CCDC85A: variants seen among roughly 807,000 people sequenced by gnomAD.
The protein encoded by CCDC85A is coiled-coil domain containing 85A.
In CCDC85A, 38 loss-of-function variants were observed where a neutral mutation model predicts 50.2. That is an observed-to-expected ratio of 0.76 (90% CI 0.58 to 0.99). The LOEUF is 0.99. CCDC85A is among the 50% of genes least tolerant of loss of function. The probability of loss-of-function intolerance (pLI) is 0.00; values close to 1 mark genes in which losing one functional copy is unlikely to be tolerated. For synonymous variants in CCDC85A, 366 were observed against 301.4 expected (o/e 1.21, Z -2.22); for missense variants, 820 against 742.0 (o/e 1.11, Z -1.22).
At position 56,231,684 on chromosome 2, in the gene CCDC85A, C is replaced by G. The variant is rs533189938; in HGVS notation, c.1240+38244C>G. Reference sequence around the variant, plus strand: ...AGAGAGTTCATGGCTTTAGACGGGTCTCTCTATAATGTTATCAACCCTAAT... The same window carrying G: ...AGAGAGTTCATGGCTTTAGACGGGTGTCTCTATAATGTTATCAACCCTAAT... On this transcript the variant is annotated intron_variant, in intron 2 of 5. Coordinates refer to ENST00000407595, the MANE Select transcript of CCDC85A (RefSeq NM_001080433.2). 5.3e-5 allele frequency among the ~76,000 whole-genome samples: 8 copies of G among 152,028 alleles called. No individual in the cohort carries two copies. The South Asian group carries it at 1.5e-3, about 28-fold the overall frequency.
chr2:56,304,948 A>C (rs6758351), intron 2 of CCDC85A, among the ~76,000 whole-genome samples: 1,806 of 144,544 alleles, frequency 0.012, 31 homozygotes, highest in Middle Eastern at 0.051. Flanking sequence ...AAAAACAAAA[A>C]AAAAAAAACC....
Position 56,339,416 on chromosome 2 carries a change from C to A in CCDC85A, c.1241-3463C>A, listed in dbSNP as rs112553363. ...ATTTACCCCTTTTTTCCTGAACTGA[C>A]ATAATACTTTCATAATATAAATAGA... On this transcript the variant is annotated intron_variant, in intron 2 of 5. Transcript: ENST00000407595. 4.1e-3 allele frequency among the ~76,000 whole-genome samples: 619 copies of A among 152,208 alleles called. 5 individuals are homozygous for A. The highest frequency in any genetic ancestry group is 0.014 in the African/African-American group (575 of 41,534).
At chr2:56,349,637 C>T (rs999047486) in intron 3 of CCDC85A, among the ~76,000 whole-genome samples, 7 of 152,082 alleles carry the variant, frequency 4.6e-5, no homozygotes, top group East Asian at 1.9e-4. Flanking sequence ...GATAAATCTT[C>T]GTTCTAATGA....
chr2:56,335,494 A>G (rs1445146975), intron 2 of CCDC85A, among the ~76,000 whole-genome samples: 1 of 152,190 alleles, frequency 6.6e-6, no homozygotes, highest in Admixed American at 6.5e-5. Context: ...ATTAGCTCAC[A>G]GTTCTAGAGA....
intron 2 of CCDC85A, among the ~76,000 whole-genome samples, chr2:56,334,647 T>A (rs922429232): frequency 6.6e-6 from 1 of 152,220 alleles, no homozygotes; most frequent in Admixed American, 6.5e-5. Context: ...TTGAGCTTTC[T>A]CTGAATACCT....
At chr2:56,259,852 C>T (rs910846614) in intron 2 of CCDC85A, among the ~76,000 whole-genome samples, 3 of 152,172 alleles carry the variant, frequency 2.0e-5, no homozygotes, top group African/African-American at 7.2e-5. Context: ...TTTCTCCTTG[C>T]CTTTCTGGAC....
At chr2:56,361,172 C>T (rs552696484) in intron 3 of CCDC85A, among the ~76,000 whole-genome samples, 11 of 151,866 alleles carry the variant, frequency 7.2e-5, no homozygotes, top group East Asian at 1.9e-4. Context: ...GAGAATGGCG[C>T]GAACCCAGGA....
chr2:56,205,646 T>C (rs1667591412), intron 2 of CCDC85A, among the ~76,000 whole-genome samples: 1 of 152,156 alleles, frequency 6.6e-6, no homozygotes, highest in Non-Finnish European at 1.5e-5. Flanking sequence ...TGAGTAGTAG[T>C]AGGAAACCAA....
intron 2 of CCDC85A, among the ~76,000 whole-genome samples, chr2:56,269,214 T>G (rs1670590202): frequency 6.6e-6 from 1 of 152,164 alleles, no homozygotes; most frequent in Admixed American, 6.5e-5. Flanking sequence ...TAGCAATAAC[T>G]TACCTTACCT....
At chr2:56,217,729 T>A (rs1447328331) in intron 2 of CCDC85A, among the ~76,000 whole-genome samples, 1 of 151,884 alleles carries the variant, frequency 6.6e-6, no homozygotes, top group Non-Finnish European at 1.5e-5. Context: ...ATGTTGATTT[T>A]CCTTCTAAAA....
At chr2:56,293,176 A>G (rs1043695429) in intron 2 of CCDC85A, among the ~76,000 whole-genome samples, 4 of 152,198 alleles carry the variant, frequency 2.6e-5, no homozygotes, top group African/African-American at 2.4e-5. Flanking sequence ...TACCAGATGT[A>G]CTTGTTACAA....
At chr2:56,326,854 AT>A (rs1673498667) in intron 2 of CCDC85A, among the ~76,000 whole-genome samples, 1 of 151,580 alleles carries the variant, frequency 6.6e-6, no homozygotes, top group Non-Finnish European at 1.5e-5. Context: ...TTTTTTCTTA[AT>A]CAGGTAATTT....
intron 2 of CCDC85A, among the ~76,000 whole-genome samples, chr2:56,216,358 C>G (rs1677393307): frequency 6.6e-6 from 1 of 151,502 alleles, no homozygotes; most frequent in African/African-American, 2.4e-5. Context: ...CCTTATTGTT[C>G]TATGTCCTTA....
At chr2:56,264,476 C>A (rs1199903930) in intron 2 of CCDC85A, among the ~76,000 whole-genome samples, 1 of 152,146 alleles carries the variant, frequency 6.6e-6, no homozygotes, top group East Asian at 1.9e-4. Context: ...ACCTGCAAAT[C>A]CTTTCAGCTC....
At chr2:56,375,791 A>G (rs750637116) in intron 4 of CCDC85A, 25 bp from the exon 5 acceptor site, 5 of 1,611,006 alleles carry the variant, frequency 3.1e-6, no homozygotes, top group South Asian at 1.1e-5. Context: ...TGTTTTAATA[A>G]CAAAGTTGTT....
intron 2 of CCDC85A, among the ~76,000 whole-genome samples, chr2:56,280,241 G>T (rs1165870700): frequency 1.3e-5 from 2 of 152,092 alleles, no homozygotes; most frequent in African/African-American, 2.4e-5. Context: ...CTGGGCAAAG[G>T]CCCTTCCTTC....
At chr2:56,287,838 A>C (rs572149213) in intron 2 of CCDC85A, among the ~76,000 whole-genome samples, 33 of 152,288 alleles carry the variant, frequency 2.2e-4, no homozygotes, top group African/African-American at 7.9e-4. Flanking sequence ...TGTGCATATA[A>C]ATGTGGACTA....
intron 2 of CCDC85A, among the ~76,000 whole-genome samples, chr2:56,225,008 A>G (rs1321922044): frequency 2.6e-5 from 4 of 152,290 alleles, no homozygotes; most frequent in Non-Finnish European, 5.9e-5. Flanking sequence ...ACCTAAGTTT[A>G]TGAAGATATA....
At chr2:56,227,012 TTCAA>T (rs1668571688) in intron 2 of CCDC85A, among the ~76,000 whole-genome samples, 1 of 152,218 alleles carries the variant, frequency 6.6e-6, no homozygotes, top group African/African-American at 2.4e-5. Context: ...ATGAAAACCA[TTCAA>T]TAACTAAAAA....
Sources: allele counts gnomAD v4.1 joint callset (sites outside exome capture counted in the v4.1 genomes callset), GRCh38; gene constraint gnomAD v4.1.1; transcripts MANE v1.5; gene names NCBI Gene and HGNC (gene_info 2026-07-23, HGNC 2026-07-21).